Variants in LTBP2 observed in about 807,000 individuals in gnomAD.
The protein encoded by LTBP2 is latent-transforming growth factor beta-binding protein 2.
A neutral mutation model predicts 210.6 loss-of-function variants in LTBP2; 103 were observed. That is an observed-to-expected ratio of 0.49 (90% confidence interval 0.42 to 0.58). LTBP2 has a LOEUF of 0.58. Among genes scored for constraint, LTBP2 ranks in the 20% least tolerant of loss-of-function variants. The probability of loss-of-function intolerance (pLI) is 0.00; values close to 1 mark genes in which losing one functional copy is unlikely to be tolerated. For missense variants in LTBP2, 2,313 were observed against 2,494.5 expected (o/e 0.93, Z 1.55); for synonymous variants, 1,007 against 1,015.0 (o/e 0.99, Z 0.15).
At chr14:74,578,051 C>A (rs2088084453) in intron 3 of LTBP2, among the ~76,000 whole-genome samples, 1 of 151,968 alleles carries the variant, frequency 6.6e-6, no homozygotes, top group Non-Finnish European at 1.5e-5. Context: ...CACACAGAAG[C>A]CCAGAGGGGA....
At chr14:74,534,273 C>A (rs1423240550) in intron 9 of LTBP2, among the ~76,000 whole-genome samples, 1 of 152,106 alleles carries the variant, frequency 6.6e-6, no homozygotes, top group East Asian at 1.9e-4. Context: ...TATCCAAGGC[C>A]CTCTACCTTT....
chr14:74,601,780 T>C (rs2088451437), intron 2 of LTBP2, among the ~76,000 whole-genome samples: 1 of 152,182 alleles, frequency 6.6e-6, no homozygotes, highest in African/African-American at 2.4e-5. Flanking sequence ...GAATAACGTA[T>C]GATGTTCCCA....
intron 24 of LTBP2, 23 bp downstream of exon 24, chr14:74,508,581 A>G: frequency 1.3e-6 from 2 of 1,599,084 alleles, no homozygotes; most frequent in Middle Eastern, 1.8e-4. Context: ...TGGCCAGTAG[A>G]GGTAGCTGTG....
intron 1 of LTBP2, among the ~76,000 whole-genome samples, chr14:74,610,396 C>A (rs1279800619): frequency 6.6e-6 from 1 of 152,180 alleles, no homozygotes; most frequent in Non-Finnish European, 1.5e-5. Context: ...GAAAACAGAG[C>A]GCCAAGGCTG....
At chr14:74,512,705 C>T (rs1196589095) in intron 18 of LTBP2, among the ~76,000 whole-genome samples, 1 of 152,220 alleles carries the variant, frequency 6.6e-6, no homozygotes, top group African/African-American at 2.4e-5. Flanking sequence ...TCAGGTGGGT[C>T]TCTGCAAGGA....
Position 74,611,476 on chromosome 14 carries a change from T to C in LTBP2, c.469A>G (p.Thr157Ala). 1 of 1,495,782 alleles carries C rather than the reference T, an allele frequency of 6.7e-7. No homozygotes were observed. Among genetic ancestry groups the C allele is most frequent in the East Asian group, 2.5e-5 (1 of 39,878 alleles). 92.7% of individuals were successfully genotyped at this position (1,495,782 alleles called of 1,614,324 possible). A position where few individuals can be genotyped will look rare whatever the true frequency, so the allele number is the denominator to read the frequency against. ...TPQRSGAAPP[T>A]PPRGRLTGRN... ...CCCGTGAGCCGCCCTCGCGGCGGGG[T>C]TGGGGGCGCAGCCCCAGACCGCTGT... The change falls in exon 1 of 36, where the codon ACC becomes GCC. Residue 157 changes from threonine to alanine, a missense_variant. Transcript: ENST00000261978.
At chr14:74,518,043 G>C (rs1053431926) in intron 17 of LTBP2, among the ~76,000 whole-genome samples, 4 of 152,122 alleles carry the variant, frequency 2.6e-5, no homozygotes, top group South Asian at 4.1e-4. Flanking sequence ...CTTTCCTCAC[G>C]ATGGCCAGCA....
At chr14:74,583,168 C>T (rs1371260844) in intron 3 of LTBP2, among the ~76,000 whole-genome samples, 2 of 152,186 alleles carry the variant, frequency 1.3e-5, no homozygotes, top group Non-Finnish European at 1.5e-5. Context: ...TCGGTCTCTG[C>T]CTGCTCTCCT....
At position 74,499,916 on chromosome 14, in the gene LTBP2, T is replaced by C. The variant is rs993824202; in HGVS notation, c.*968A>G. ...GAGGGGAAAAACAACATTGGAAATC[T>C]GGCTGCTTCTGAACAAGACCACACT... On this transcript the variant is annotated 3_prime_UTR_variant, in exon 36 of 36. Coordinates refer to ENST00000261978, the MANE Select transcript of LTBP2 (RefSeq NM_000428.3). The C allele has an allele frequency of 4.3e-6, 1 of 231,118 alleles. No individual in the cohort carries two copies. The highest frequency in any genetic ancestry group is 8.6e-6 in the Non-Finnish European group (1 of 116,650). The allele number at this position is 231,118 out of a possible 1,614,324, so 14.3% of individuals were successfully genotyped here.
At chr14:74,512,612 C>A (rs2139699758) in intron 18 of LTBP2, among the ~76,000 whole-genome samples, 1 of 152,292 alleles carries the variant, frequency 6.6e-6, no homozygotes, top group East Asian at 1.9e-4. Flanking sequence ...GCCCTCTGTC[C>A]CAGAGGACTG....
At chr14:74,552,554 TAGAGTGAAGA>T in intron 5 of LTBP2, 161 bp from the exon 6 acceptor site, 2 of 739,242 alleles carry the variant, frequency 2.7e-6, no homozygotes, top group Non-Finnish European at 4.7e-6. Flanking sequence ...TTCATTCATG[TAGAGTGAAGA>T]AGAGTGGATA....
intron 35 of LTBP2, 134 bp from the exon 36 acceptor site, chr14:74,501,163 C>T: frequency 8.4e-7 from 1 of 1,184,842 alleles, no homozygotes; most frequent in Non-Finnish European, 1.2e-6. Flanking sequence ...GCTGAAGTCA[C>T]TTCCCAAAAC....
At chr14:74,554,540 TGAAAGAAGCCA>T (rs1300233432) in intron 4 of LTBP2, among the ~76,000 whole-genome samples, 1 of 152,058 alleles carries the variant, frequency 6.6e-6, no homozygotes, top group African/African-American at 2.4e-5. Flanking sequence ...TAACGCTAAG[TGAAAGAAGCCA>T]GACACAAAAG....
At position 74,500,196 on chromosome 14, in the gene LTBP2, C is replaced by G. The variant is rs923321550; in HGVS notation, c.*688G>C. The G allele has an allele frequency of 4.3e-6, 1 of 234,898 alleles. No individual in the cohort carries two copies. The highest frequency in any genetic ancestry group is 2.2e-5 in the African/African-American group (1 of 45,332). 14.6% of individuals were successfully genotyped at this position (234,898 alleles called of 1,614,324 possible). A position where few individuals can be genotyped will look rare whatever the true frequency, so the allele number is the denominator to read the frequency against. ...AACTCCACGTATTTTTCATCATGTC[C>G]TCTTGCTGCTTTCTCAGGCTCTTTG... On this transcript the variant is annotated 3_prime_UTR_variant, in exon 36 of 36. Coordinates refer to ENST00000261978, the MANE Select transcript of LTBP2 (RefSeq NM_000428.3).
At chr14:74,555,381 TGAAA>T (rs2087715314) in intron 4 of LTBP2, 118 bp downstream of exon 4, 1 of 1,064,050 alleles carries the variant, frequency 9.4e-7, no homozygotes, top group Admixed American at 2.0e-5. Flanking sequence ...GTTGATTGGC[TGAAA>T]GAATGAGGGA....
intron 5 of LTBP2, 122 bp downstream of exon 5, chr14:74,552,770 T>C: frequency 7.8e-7 from 1 of 1,281,196 alleles, no homozygotes; most frequent in African/African-American, 1.5e-5. Flanking sequence ...CCCATGTGAT[T>C]TGGGACAACT....
chr14:74,532,179 A>G (rs2087358326), intron 10 of LTBP2, among the ~76,000 whole-genome samples: 1 of 152,252 alleles, frequency 6.6e-6, no homozygotes, highest in Non-Finnish European at 1.5e-5. Flanking sequence ...GACGAATTCC[A>G]AACTGCAAAG....
chr14:74,565,938 T>A (rs2087896682), intron 3 of LTBP2, among the ~76,000 whole-genome samples: 1 of 152,200 alleles, frequency 6.6e-6, no homozygotes, highest in South Asian at 2.1e-4. Flanking sequence ...TGCTACCACT[T>A]GTCTGCTAGC....
intron 1 of LTBP2, among the ~76,000 whole-genome samples, chr14:74,610,320 GAGAC>G (rs1312234525): frequency 1.3e-5 from 2 of 152,258 alleles, no homozygotes; most frequent in African/African-American, 4.8e-5. Flanking sequence ...AAATCTGAAA[GAGAC>G]AGAGCTCAAT....
Sources: gnomAD v4.1 joint callset for allele counts (sites outside exome capture counted in the v4.1 genomes callset) on GRCh38, gnomAD v4.1.1 for gene constraint, MANE v1.5 for transcripts, NCBI Gene and HGNC (gene_info 2026-07-23, HGNC 2026-07-21) for gene names.